Variants in ARID3A observed in about 807,000 individuals in gnomAD.
The protein encoded by ARID3A is AT-rich interactive domain-containing protein 3A.
Under a neutral mutation model 52.7 loss-of-function variants are expected in ARID3A, and 11 were observed. The ratio of observed to expected loss-of-function variants is 0.21; its 90% CI spans 0.13 to 0.35. ARID3A has a LOEUF of 0.35. ARID3A is among the 10% of genes least tolerant of loss of function. ARID3A has a pLI of 1.00. For synonymous variants in ARID3A, 404 were observed against 359.4 expected, an observed-to-expected ratio of 1.12 and a Z score of -1.40; for missense variants, 721 against 838.5, an observed-to-expected ratio of 0.86 and a Z score of 1.73.
rs569307160 is a variant in ARID3A, at chr19:975,680, G to A, written c.*3615G>A. ...GGGCCCAGCCTGTCTCGCCCTGGCC[G>A]CGGCAGGGTGGCCTGTAACAATTTC... is the stretch of plus-strand genomic sequence containing the variant. On this transcript the variant is annotated 3_prime_UTR_variant, in exon 9 of 9. Coordinates refer to ENST00000263620, the MANE Select transcript of ARID3A (RefSeq NM_005224.3). 6.9e-5 allele frequency: 14 copies of A among 202,922 alleles called. No homozygotes were observed. The highest frequency in any genetic ancestry group is 1.9e-4 in the South Asian group (1 of 5,198). 12.6% of individuals were successfully genotyped at this position (202,922 alleles called of 1,614,324 possible). A position where few individuals can be genotyped will look rare whatever the true frequency, so the allele number is the denominator to read the frequency against.
intron 3 of ARID3A, among the ~76,000 whole-genome samples, chr19:936,581 G>A (rs976368220): frequency 7.9e-5 from 12 of 152,050 alleles, no homozygotes; most frequent in East Asian, 1.9e-4. Context: ...AGTGGCTCAC[G>A]TCTGCAATCC....
chr19:966,416 C>G (rs1269393160), intron 6 of ARID3A, among the ~76,000 whole-genome samples, 156 bp from the exon 7 acceptor site: 2 of 148,228 alleles, frequency 1.3e-5, no homozygotes, highest in Non-Finnish European at 3.0e-5. Flanking sequence ...TGAGATCGCA[C>G]CATTGCACTC....
intron 4 of ARID3A, among the ~76,000 whole-genome samples, chr19:963,899 T>C (rs2038093192): frequency 6.6e-6 from 1 of 152,228 alleles, no homozygotes; most frequent in Non-Finnish European, 1.5e-5. Context: ...AGAGTTGTTT[T>C]GGCAGCTGCC....
At position 929,397 on chromosome 19, in the gene ARID3A, C is replaced by T; in HGVS notation, c.-132C>T. 9.8e-7 allele frequency: 1 copy of T among 1,020,468 alleles called. No homozygotes were observed. 63.2% of individuals were successfully genotyped at this position (1,020,468 alleles called of 1,614,324 possible). A position where few individuals can be genotyped will look rare whatever the true frequency, so the allele number is the denominator to read the frequency against. The stretch of plus-strand genomic sequence containing the variant: ...CCCGCCCCCTGCCACCCTGCACTGC[C>T]CCGGCTCCCCCGCGGCCCCCACGCT... On this transcript the variant is annotated 5_prime_UTR_variant, in exon 2 of 9. Transcript: ENST00000263620. This position sits in a 1 kb window ranked among gnomAD's most constrained non-coding sequence, Gnocchi z 6.2.
intron 3 of ARID3A, among the ~76,000 whole-genome samples, chr19:957,113 TG>T (rs10710407): frequency 0.96 from 145,800 of 151,548 alleles, 70,192 homozygotes; most frequent in East Asian, 1. Flanking sequence ...AACCTGTGGG[TG>T]GGGGGGGGCG....
In ARID3A at chr19:974,932, G is replaced by A. The variant is rs1443639731; in HGVS notation, c.*2867G>A. 13 of 229,372 alleles carry A rather than the reference G, an allele frequency of 5.7e-5. No homozygotes were observed. The Admixed American group carries it at 6.8e-4, about 12-fold the overall frequency. 14.2% of individuals were successfully genotyped at this position (229,372 alleles called of 1,614,324 possible). A position where few individuals can be genotyped will look rare whatever the true frequency, so the allele number is the denominator to read the frequency against. On this transcript the variant is annotated 3_prime_UTR_variant, in exon 9 of 9. Coordinates refer to ENST00000263620, the MANE Select transcript of ARID3A (RefSeq NM_005224.3). ...GAGAAGGAAGTCGCTGAAGGCAGTG[G>A]CCATGCTGGCCGTGGAAATGGGAGG... is the stretch of plus-strand genomic sequence containing the variant.
At chr19:957,091 C>A (rs1198416332) in intron 3 of ARID3A, among the ~76,000 whole-genome samples, 1 of 126,192 alleles carries the variant, frequency 7.9e-6, no homozygotes, top group African/African-American at 3.2e-5. Context: ...TTTCCCCCAC[C>A]CTGCCCGCCC....
chr19:955,286 G>C (rs1030218396), intron 3 of ARID3A, among the ~76,000 whole-genome samples: 4 of 152,178 alleles, frequency 2.6e-5, no homozygotes, highest in Admixed American at 1.3e-4. Flanking sequence ...GGAACCGGGG[G>C]CCAGAGACCC....
intron 3 of ARID3A, among the ~76,000 whole-genome samples, chr19:954,768 T>C (rs965566617): frequency 7.1e-6 from 1 of 140,486 alleles, no homozygotes; most frequent in African/African-American, 2.7e-5. Flanking sequence ...GGGAAGGGGC[T>C]GAGAAGGCCT....
At chr19:953,632 AG>A in intron 3 of ARID3A, among the ~76,000 whole-genome samples, 1 of 152,048 alleles carries the variant, frequency 6.6e-6, no homozygotes, top group Non-Finnish European at 1.5e-5. Context: ...AAGGGGTCAG[AG>A]GCTGAGGGGG....
chr19:932,857 G>C, intron 3 of ARID3A, 115 bp downstream of exon 3: 1 of 1,484,006 alleles, frequency 6.7e-7, no homozygotes, highest in Non-Finnish European at 8.9e-7. Flanking sequence ...GTTGAGAGCT[G>C]GGGGTTCCTG....
Position 960,265 on chromosome 19 carries a change from C to T in ARID3A, c.766+101C>T, listed in dbSNP as rs1013905258. 8.6e-6 allele frequency: 10 copies of T among 1,157,774 alleles called. No homozygotes were observed. The highest frequency in any genetic ancestry group is 4.8e-5 in the South Asian group (3 of 62,358). The allele number at this position is 1,157,774 out of a possible 1,614,324, so 71.7% of individuals were successfully genotyped here. On this transcript the variant is annotated intron_variant, in intron 4 of 8. Coordinates refer to ENST00000263620, the MANE Select transcript of ARID3A (RefSeq NM_005224.3). The surrounding 1 kb of genome is among the most constrained non-coding windows in gnomAD (Gnocchi z 4.3). ...GTATGTCGGGGCGGTGGTGAGCACC[C>T]CGTGGCTGGAGGCATCCAAGGCTCC...
Position 944,818 on chromosome 19 carries a change from G to A in ARID3A, c.693+12076G>A, listed in dbSNP as rs2037643253. Among the ~76,000 whole-genome samples the A allele has an allele frequency of 4.6e-5, 7 of 152,190 alleles. No homozygotes were observed. The highest frequency in any genetic ancestry group is 4.6e-4 in the Admixed American group (7 of 15,284). ...CTTCATTTTATTTTTTGGAGACAGG[G>A]TCTTGCTGCGTTGCCCAGGCTGAAC... On this transcript the variant is annotated intron_variant, in intron 3 of 8. Coordinates refer to ENST00000263620, the MANE Select transcript of ARID3A (RefSeq NM_005224.3). This position sits in a 1 kb window ranked among gnomAD's most constrained non-coding sequence, Gnocchi z 5.9.
chr19:938,462 C>T lies in ARID3A; in HGVS notation c.693+5720C>T, dbSNP rs1211089901. On this transcript the variant is annotated intron_variant, in intron 3 of 8. Transcript: ENST00000263620. This position sits in a 1 kb window ranked among gnomAD's most constrained non-coding sequence, Gnocchi z 4.0. The stretch of plus-strand genomic sequence containing the variant: ...GGTGATCACATGACTTGTGCACAGT[C>T]GCCCGGGGGACGTGTCAGAGCTGGA... Among the ~76,000 whole-genome samples the T allele has an allele frequency of 6.6e-6, 1 of 152,268 alleles. No homozygotes were observed. Among genetic ancestry groups the T allele is most frequent in the South Asian group, 2.1e-4 (1 of 4,828 alleles).
At chr19:967,811 G>C (rs755993035) in intron 7 of ARID3A, among the ~76,000 whole-genome samples, 9 of 152,160 alleles carry the variant, frequency 5.9e-5, no homozygotes, top group Non-Finnish European at 1.3e-4. Context: ...TTGGGAGGCC[G>C]AGGCGGGCAG....
At chr19:950,441 A>G (rs2145414730) in intron 3 of ARID3A, among the ~76,000 whole-genome samples, 1 of 152,304 alleles carries the variant, frequency 6.6e-6, no homozygotes, top group Non-Finnish European at 1.5e-5. Context: ...GAGCCCGGGA[A>G]GGTGCTGAGG....
At chr19:930,797 C>T (rs1599381152) in intron 2 of ARID3A, among the ~76,000 whole-genome samples, 2 of 151,730 alleles carry the variant, frequency 1.3e-5, no homozygotes, top group Admixed American at 1.3e-4. Flanking sequence ...GCGTGAGCCA[C>T]CACACCCGGC....
chr19:955,767 A>G (rs1172868620), intron 3 of ARID3A, among the ~76,000 whole-genome samples: 1 of 152,054 alleles, frequency 6.6e-6, no homozygotes, highest in Non-Finnish European at 1.5e-5. Context: ...AGAGGAGAGG[A>G]CCTTCCGCTC....
In ARID3A at chr19:975,269, C is replaced by A; in HGVS notation, c.*3204C>A. On this transcript the variant is annotated 3_prime_UTR_variant, in exon 9 of 9. Transcript: ENST00000263620. ...CCCACAGTCAAGGCCAACGGGGGCT[C>A]CCCCTGCTCTGAGATGTTGGGAGAA... is the stretch of plus-strand genomic sequence containing the variant. 4.3e-6 allele frequency: 1 copy of A among 232,036 alleles called. No individual in the cohort carries two copies. The highest frequency in any genetic ancestry group is 6.1e-5 in the East Asian group (1 of 16,468). The allele number at this position is 232,036 out of a possible 1,614,324, so 14.4% of individuals were successfully genotyped here. A position where few individuals can be genotyped will look rare whatever the true frequency, so the allele number is the denominator to read the frequency against.
Sources: gnomAD v4.1 joint callset for allele counts (sites outside exome capture counted in the v4.1 genomes callset) on GRCh38, gnomAD v4.1.1 for gene constraint, Gnocchi (gnomAD v3.1) non-coding constraint, MANE v1.5 for transcripts, NCBI Gene and HGNC (gene_info 2026-07-23, HGNC 2026-07-21) for gene names.